ALK: variants seen among roughly 807,000 people sequenced by gnomAD.
ALK encodes ALK tyrosine kinase receptor.
A neutral mutation model predicts 163.1 loss-of-function variants in ALK; 74 were observed. The observed-to-expected ratio is 0.45, with a 90% CI of 0.38 to 0.55. The LOEUF is 0.55. Ranked by LOEUF, ALK falls within the 20% of genes least tolerant of loss-of-function variation. The pLI, the probability that ALK is intolerant of heterozygous loss-of-function variation, is 0.00. For synonymous variants in ALK, 960 were observed against 843.2 expected, an observed-to-expected ratio of 1.14 and a Z score of -2.40; for missense variants, 2,063 against 2,105.3, an observed-to-expected ratio of 0.98 and a Z score of 0.39.
chr2:29,836,769 C>T (rs545529305), intron 1 of ALK, among the ~76,000 whole-genome samples: 1 of 152,190 alleles, frequency 6.6e-6, no homozygotes, highest in African/African-American at 2.4e-5. Flanking sequence ...TTGGAGAAAC[C>T]AGGAGCTGAA....
At chr2:29,413,941 A>C (rs1426948222) in intron 4 of ALK, among the ~76,000 whole-genome samples, 1 of 152,242 alleles carries the variant, frequency 6.6e-6, no homozygotes, top group African/African-American at 2.4e-5. Context: ...CTGGGATTAC[A>C]GGCGTGAGCC....
At chr2:29,473,573 A>G (rs540117083) in intron 4 of ALK, among the ~76,000 whole-genome samples, 1 of 152,334 alleles carries the variant, frequency 6.6e-6, no homozygotes, top group Admixed American at 6.5e-5. Context: ...AAAAAAGGGT[A>G]AAAAGACTTG....
chr2:29,896,228 C>T (rs1418663386), intron 1 of ALK, among the ~76,000 whole-genome samples: 2 of 152,090 alleles, frequency 1.3e-5, no homozygotes, highest in African/African-American at 2.4e-5. Flanking sequence ...TGAGTGGAGA[C>T]TTAAGGTACG....
intron 3 of ALK, among the ~76,000 whole-genome samples, chr2:29,544,531 C>T (rs1673501993): frequency 2.6e-5 from 4 of 152,116 alleles, no homozygotes; most frequent in Admixed American, 2.6e-4. Flanking sequence ...TCTATTTCTG[C>T]TGCAAAGACC....
At chr2:29,415,981 C>A (rs1048074895) in intron 4 of ALK, among the ~76,000 whole-genome samples, 1 of 152,226 alleles carries the variant, frequency 6.6e-6, no homozygotes, top group Non-Finnish European at 1.5e-5. Context: ...CTGGGAGTCA[C>A]CATCAGCTCC....
intron 8 of ALK, among the ~76,000 whole-genome samples, chr2:29,301,827 T>C (rs1666379685): frequency 6.6e-6 from 1 of 152,336 alleles, no homozygotes; most frequent in South Asian, 2.1e-4. Context: ...GAGAGAGAAC[T>C]GGACTGGCCA....
chr2:29,250,034 G>C (rs1280009630), intron 12 of ALK, among the ~76,000 whole-genome samples: 2 of 152,252 alleles, frequency 1.3e-5, no homozygotes, highest in African/African-American at 4.8e-5. Context: ...AGGGCAACTT[G>C]AGAAGTCCCT....
chr2:29,512,772 C>A (rs991444205), intron 4 of ALK, among the ~76,000 whole-genome samples: 25 of 149,584 alleles, frequency 1.7e-4, no homozygotes, highest in African/African-American at 3.0e-4. Context: ...CCAAAATCTC[C>A]TTAAGCTGAT....
chr2:29,452,638 T>C (rs1670851462), intron 4 of ALK, among the ~76,000 whole-genome samples: 1 of 152,194 alleles, frequency 6.6e-6, no homozygotes, highest in South Asian at 2.1e-4. Context: ...CCCCATAAGA[T>C]ACTAATTAAT....
At chr2:29,918,238 CT>C (rs1667888526) in intron 1 of ALK, among the ~76,000 whole-genome samples, 2 of 152,196 alleles carry the variant, frequency 1.3e-5, no homozygotes, top group Non-Finnish European at 2.9e-5. Context: ...CTGATACAGA[CT>C]GCTGGATTCT....
chr2:29,532,116 C>G lies in ALK; in HGVS notation c.953G>C (p.Gly318Ala), dbSNP rs770893847. ...GAERSKEMPR[G>A]SFLLLNTSAD... is the part of the protein sequence containing the mutation. ...TGAGGTGTTGAGAAGGAGAAAGGAG[C>G]CTGGAAAGAGACAGGGAAAACGAAT... Residue 318 changes from glycine to alanine, a missense_variant and splice_region_variant, in exon 4 of 29, where the codon GGC becomes GCC. Coordinates refer to ENST00000389048, the MANE Select transcript of ALK (RefSeq NM_004304.5). 6.2e-7 allele frequency: 1 copy of G among 1,613,788 alleles called. No homozygotes were observed.
chr2:29,785,550 T>G (rs150467661), intron 1 of ALK, among the ~76,000 whole-genome samples: 1 of 152,198 alleles, frequency 6.6e-6, no homozygotes, highest in South Asian at 2.1e-4. Flanking sequence ...GTCCACAACC[T>G]TTCACACAAC....
intron 3 of ALK, among the ~76,000 whole-genome samples, chr2:29,674,229 G>C (rs970001272): frequency 6.6e-6 from 1 of 151,730 alleles, no homozygotes; most frequent in South Asian, 2.1e-4. Flanking sequence ...GGAGAGGTGA[G>C]AGAGGGCATC....
At chr2:29,761,735 G>A (rs945158285) in intron 1 of ALK, among the ~76,000 whole-genome samples, 2 of 152,190 alleles carry the variant, frequency 1.3e-5, no homozygotes, top group Non-Finnish European at 2.9e-5. Context: ...GACCCCATCT[G>A]CAAAATGGCT....
At chr2:29,408,186 G>A (rs987944965) in intron 4 of ALK, among the ~76,000 whole-genome samples, 3 of 151,290 alleles carry the variant, frequency 2.0e-5, no homozygotes, top group Non-Finnish European at 2.9e-5. Flanking sequence ...GGGTTCAAGC[G>A]ATTCTCCTGC....
At chr2:29,314,928 G>A (rs1232871058) in intron 8 of ALK, among the ~76,000 whole-genome samples, 4 of 152,174 alleles carry the variant, frequency 2.6e-5, no homozygotes, top group Admixed American at 2.0e-4. Context: ...TCTCAAAGCC[G>A]AGGCGGATTC....
intron 3 of ALK, among the ~76,000 whole-genome samples, chr2:29,549,137 TACACAC>T (rs58557380): frequency 2.0e-5 from 3 of 149,670 alleles, no homozygotes; most frequent in African/African-American, 7.4e-5. Flanking sequence ...GATCTACAGG[TACACAC>T]ACACACACAC....
At chr2:29,404,058 C>T (rs1479881128) in intron 4 of ALK, among the ~76,000 whole-genome samples, 2 of 152,120 alleles carry the variant, frequency 1.3e-5, no homozygotes, top group African/African-American at 2.4e-5. Context: ...AATCCCAGCA[C>T]TTTGGGAGGC....
At chr2:29,637,729 T>G (rs1176548728) in intron 3 of ALK, among the ~76,000 whole-genome samples, 2 of 79,996 alleles carry the variant, frequency 2.5e-5, no homozygotes, top group Non-Finnish European at 4.9e-5. Flanking sequence ...AAAAGAGGAC[T>G]CTTTGTGGTG....
Sources: gnomAD v4.1 joint callset for allele counts (sites outside exome capture counted in the v4.1 genomes callset) on GRCh38, gnomAD v4.1.1 for gene constraint, MANE v1.5 for transcripts, NCBI Gene and HGNC (gene_info 2026-07-23, HGNC 2026-07-21) for gene names.